SEMA6B: variants seen among roughly 807,000 people sequenced by gnomAD.
SEMA6B encodes semaphorin 6B.
A neutral mutation model predicts 78.6 loss-of-function variants in SEMA6B; 47 were observed. The observed-to-expected ratio is 0.60, with a 90% CI of 0.47 to 0.76. SEMA6B has a LOEUF of 0.76. Ranked by LOEUF, SEMA6B falls within the 30% of genes least tolerant of loss-of-function variation. The pLI is 0.00. For synonymous variants in SEMA6B, 632 were observed against 592.2 expected, an observed-to-expected ratio of 1.07 and a Z score of -0.98; for missense variants, 1,213 against 1,269.9, an observed-to-expected ratio of 0.96 and a Z score of 0.68.
At chr19:4,554,292 C>T in intron 9 of SEMA6B, 96 bp downstream of exon 9, 4 of 982,440 alleles carry the variant, frequency 4.1e-6, no homozygotes, top group Non-Finnish European at 4.8e-6. Flanking sequence ...GGGCAGGACC[C>T]TCTCACCCCA....
chr19:4,543,701 G>T lies in SEMA6B; in HGVS notation c.2567C>A (p.Pro856His). 1.6e-6 allele frequency: 2 copies of T among 1,230,142 alleles called. No homozygotes were observed. Among genetic ancestry groups the T allele is most frequent in the Non-Finnish European group, 2.0e-6 (2 of 986,882 alleles). The allele number at this position is 1,230,142 out of a possible 1,614,324, so 76.2% of individuals were successfully genotyped here. A position where few individuals can be genotyped will look rare whatever the true frequency, so the allele number is the denominator to read the frequency against. Residue 856 changes from proline (P) to histidine (H), a missense_variant, in exon 17 of 17, where the codon CCT becomes CAT. Pro to His is a moderately conservative substitution (Grantham distance 77). Coordinates refer to ENST00000586582, the MANE Select transcript of SEMA6B (RefSeq NM_032108.4). ...GTGGCAGCCGCGGTGGCGGTCCCCA[G>T]GCCGGGCCTCGCCGCTGTTGAACGT... ...THTFNSGEARPGDRHRGCHAR... is the reference protein window; with the variant it reads ...THTFNSGEARHGDRHRGCHAR...
In SEMA6B at chr19:4,558,623, A is replaced by C; in HGVS notation, c.-32-134T>G. 2 of 427,374 alleles carry C rather than the reference A, an allele frequency of 4.7e-6. No individual in the cohort carries two copies. The highest frequency in any genetic ancestry group is 3.6e-5 in the East Asian group (1 of 27,526). 26.5% of individuals were successfully genotyped at this position (427,374 alleles called of 1,614,324 possible). On this transcript the variant is annotated intron_variant, in intron 1 of 16. Transcript: ENST00000586582. This position sits in a 1 kb window ranked among gnomAD's most constrained non-coding sequence, Gnocchi z 5.1. ...GGGATAATAATTAATAAAAACAATA[A>C]TGGCAATAATAATAATAATACACAG...
chr19:4,547,693 C>T lies in SEMA6B; in HGVS notation c.1601+334G>A, dbSNP rs75572721. Reference sequence around the variant, plus strand: ...GCCAGTCCCTCCTCTGCCTGCAACCCTACATGGCTCCCATCTCCTTCAAGG... The same window carrying T: ...GCCAGTCCCTCCTCTGCCTGCAACCTTACATGGCTCCCATCTCCTTCAAGG... On this transcript the variant is annotated intron_variant, in intron 14 of 16. Coordinates refer to ENST00000586582, the MANE Select transcript of SEMA6B (RefSeq NM_032108.4). Among the ~76,000 whole-genome samples the T allele has an allele frequency of 8.9e-3, 1,362 of 152,308 alleles. 10 individuals are homozygous for T. Among genetic ancestry groups the T allele is most frequent in the African/African-American group, 0.032 (1,317 of 41,548 alleles).
Position 4,543,924 on chromosome 19 carries a change from C to G in SEMA6B, c.2344G>C (p.Ala782Pro), listed in dbSNP as rs1367391539. The G allele has an allele frequency of 1.7e-5, 20 of 1,200,934 alleles. No individual in the cohort carries two copies. Among genetic ancestry groups the G allele is most frequent in the Non-Finnish European group, 2.1e-5 (20 of 968,670 alleles). 74.4% of individuals were successfully genotyped at this position (1,200,934 alleles called of 1,614,324 possible). ...GTGAGCGGGAAGTCGCCGTGGGAGG[C>G]GCGGCCGGGCCGGGCAGCATAGAGG... is the stretch of plus-strand genomic sequence containing the variant. Reference protein sequence around the residue: ...GRLYAARPGRASHGDFPLTPH... With the variant: ...GRLYAARPGRPSHGDFPLTPH... Residue 782 changes from alanine to proline, a missense_variant, in exon 17 of 17, where the codon GCC becomes CCC. Transcript: ENST00000586582.
In SEMA6B at chr19:4,546,030, CAA is replaced by C. The variant is rs1977155122; in HGVS notation, c.1738+184_1738+185del. 9.3e-6 allele frequency: 5 copies of C among 538,772 alleles called. No individual in the cohort carries two copies. In the South Asian group the frequency reaches 1.3e-4, roughly 14 times the overall value. 33.4% of individuals were successfully genotyped at this position (538,772 alleles called of 1,614,324 possible). On this transcript the variant is annotated intron_variant, in intron 16 of 16. Transcript: ENST00000586582. Reference sequence around the variant, plus strand: ...TCGTGATCCACCCACCTTGGCCTCCCAAAGTGCTGGGATTACAGGCGTGAGCC... The same window carrying C: ...TCGTGATCCACCCACCTTGGCCTCCCAGTGCTGGGATTACAGGCGTGAGCC...
At position 4,542,779 on chromosome 19, in the gene SEMA6B, C is replaced by A; in HGVS notation, c.*822G>T. 1.4e-6 allele frequency: 1 copy of A among 700,908 alleles called. No individual in the cohort carries two copies. Among genetic ancestry groups the A allele is most frequent in the Non-Finnish European group, 2.6e-6 (1 of 384,672 alleles). The allele number at this position is 700,908 out of a possible 1,614,324, so 43.4% of individuals were successfully genotyped here. A position where few individuals can be genotyped will look rare whatever the true frequency, so the allele number is the denominator to read the frequency against. ...GGCCGTATTTACAGAGGGGCCCCACCCACCTTCGCCGCCCCCCAGGCCCCC... is the reference window on the plus strand; with the variant it reads ...GGCCGTATTTACAGAGGGGCCCCACACACCTTCGCCGCCCCCCAGGCCCCC... On this transcript the variant is annotated 3_prime_UTR_variant, in exon 17 of 17. Coordinates refer to ENST00000586582, the MANE Select transcript of SEMA6B (RefSeq NM_032108.4).
In SEMA6B at chr19:4,543,598, G is replaced by C; in HGVS notation, c.*3C>G. On this transcript the variant is annotated 3_prime_UTR_variant, in exon 17 of 17. Transcript: ENST00000586582. ...ACTGCCAAGGCATCGGGGGGCCCCC[G>C]GCCTAGGGCACGGGGGGCGCAGTCC... 1.6e-6 allele frequency: 2 copies of C among 1,229,584 alleles called. No individual in the cohort carries two copies. Among genetic ancestry groups the C allele is most frequent in the Middle Eastern group, 3.1e-4 (1 of 3,252 alleles). The allele number at this position is 1,229,584 out of a possible 1,614,324, so 76.2% of individuals were successfully genotyped here.
At chr19:4,557,279 C>T in intron 3 of SEMA6B, 56 bp from the exon 4 acceptor site, 10 of 1,338,972 alleles carry the variant, frequency 7.5e-6, no homozygotes, top group Admixed American at 2.1e-5. Context: ...TCTCCCGTTC[C>T]ATCCTTCCCA....
At position 4,557,307 on chromosome 19, in the gene SEMA6B, A is replaced by T. The variant is rs980532698; in HGVS notation, c.246-84T>A. ...CCTTCCCACTGCCAATGTGGTGTGC[A>T]CACGGGGGCATGCAGGGCCATGCCA... On this transcript the variant is annotated intron_variant, in intron 3 of 16. Coordinates refer to ENST00000586582, the MANE Select transcript of SEMA6B (RefSeq NM_032108.4). The T allele has an allele frequency of 3.2e-6, 3 of 929,436 alleles. No homozygotes were observed. In the African/African-American group the frequency reaches 5.0e-5, roughly 15 times the overall value. 57.6% of individuals were successfully genotyped at this position (929,436 alleles called of 1,614,324 possible).
At position 4,556,945 on chromosome 19, in the gene SEMA6B, A is replaced by T; in HGVS notation, c.369+6T>A. ...AGGGGCCGGGACCGAGCCAGGGCCA[A>T]CTCACCTCCTGTTTGCCCTTCATCC... On this transcript the variant is annotated splice_donor_region_variant and intron_variant, in intron 5 of 16. Coordinates refer to ENST00000586582, the MANE Select transcript of SEMA6B (RefSeq NM_032108.4). The T allele has an allele frequency of 6.2e-7, 1 of 1,612,332 alleles. No individual in the cohort carries two copies. Among genetic ancestry groups the T allele is most frequent in the Non-Finnish European group, 8.5e-7 (1 of 1,179,208 alleles).
rs1977122269 is a variant in SEMA6B, at chr19:4,544,713, G to C, written c.1739-184C>G. 6.6e-6 allele frequency among the ~76,000 whole-genome samples: 1 copy of C among 151,804 alleles called. No homozygotes were observed. Among genetic ancestry groups the C allele is most frequent in the Admixed American group, 6.6e-5 (1 of 15,218 alleles). ...TGCAGTGGGGCGATCTCGATTCACT[G>C]CAACCTCCGCCTCCCATGTTCAAGT... is the stretch of plus-strand genomic sequence containing the variant. On this transcript the variant is annotated intron_variant, in intron 16 of 16. Transcript: ENST00000586582. The surrounding 1 kb of genome is among the most constrained non-coding windows in gnomAD (Gnocchi z 5.1).
In SEMA6B at chr19:4,542,892, C is replaced by T. The variant is rs973977385; in HGVS notation, c.*709G>A. On this transcript the variant is annotated 3_prime_UTR_variant, in exon 17 of 17. Coordinates refer to ENST00000586582, the MANE Select transcript of SEMA6B (RefSeq NM_032108.4). ...TGAAACCCCGGCATTGTCCCCGCTT[C>T]CCTCTGCAGAGTGGGGGGGGTTCAA... 9.1e-5 allele frequency: 64 copies of T among 700,642 alleles called. No homozygotes were observed. The Admixed American group carries it at 1.2e-3, about 14-fold the overall frequency. 43.4% of individuals were successfully genotyped at this position (700,642 alleles called of 1,614,324 possible). A position where few individuals can be genotyped will look rare whatever the true frequency, so the allele number is the denominator to read the frequency against.
In SEMA6B at chr19:4,548,104, C is replaced by A. The variant is rs1360015023; in HGVS notation, c.1524G>T (p.Gly508=). ...LLSLELDAAS[G]GLLAAFPRCV... ...AGCGGGGGAAGGCAGCCAGCAGGCCCCCCGAAGCTGCGTCCAGCTCCAAGC... is the reference window on the plus strand; with the variant it reads ...AGCGGGGGAAGGCAGCCAGCAGGCCACCCGAAGCTGCGTCCAGCTCCAAGC... The change falls in exon 14 of 17, where the codon GGG becomes GGT. Residue 508 remains glycine, a synonymous_variant. Transcript: ENST00000586582. The A allele has an allele frequency of 6.3e-7, 1 of 1,591,358 alleles. No homozygotes were observed. The highest frequency in any genetic ancestry group is 1.1e-5 in the South Asian group (1 of 89,832).
chr19:4,557,708 C>G (rs1216958419), intron 3 of SEMA6B, among the ~76,000 whole-genome samples: 1 of 152,216 alleles, frequency 6.6e-6, no homozygotes, highest in Non-Finnish European at 1.5e-5. Flanking sequence ...ACAGCTTCCA[C>G]CTGGTCCAGC....
Position 4,543,807 on chromosome 19 carries a change from A to G in SEMA6B, c.2461T>C (p.Trp821Arg). The change falls in exon 17 of 17, where the codon TGG (tryptophan) becomes CGG (arginine). Residue 821 changes from tryptophan to arginine, a missense_variant. Transcript: ENST00000586582. ...AGGCTGCCCGTCGGGGGCGGGCTCC[A>G]GGGCCGCGGGAGGCCATCGGCGGCT... ...ASAADGLPRPWSPPPTGSLRR... is the reference protein window; with the variant it reads ...ASAADGLPRPRSPPPTGSLRR... The G allele has an allele frequency of 8.2e-7, 1 of 1,217,054 alleles. No individual in the cohort carries two copies. The highest frequency in any genetic ancestry group is 1.0e-6 in the Non-Finnish European group (1 of 979,114). The allele number at this position is 1,217,054 out of a possible 1,614,324, so 75.4% of individuals were successfully genotyped here. A position where few individuals can be genotyped will look rare whatever the true frequency, so the allele number is the denominator to read the frequency against.
chr19:4,544,471 C>T lies in SEMA6B; in HGVS notation c.1797G>A (p.Leu599=), dbSNP rs760752799. 3.1e-6 allele frequency: 5 copies of T among 1,597,854 alleles called. No homozygotes were observed. The highest frequency in any genetic ancestry group is 3.4e-6 in the Non-Finnish European group (4 of 1,173,140). Reference sequence around the variant, plus strand: ...CGAAGGCCGCCACCGACGACGTTACCAGCAGGTTCACCGACACCAGCCCCG... The same window carrying T: ...CGAAGGCCGCCACCGACGACGTTACTAGCAGGTTCACCGACACCAGCCCCG... ...DRAGLVSVNL[L]VTSSVAAFVV... Residue 599 remains leucine, a synonymous_variant, in exon 17 of 17, where the codon CTG becomes CTA. Coordinates refer to ENST00000586582, the MANE Select transcript of SEMA6B (RefSeq NM_032108.4). This position sits in a 1 kb window ranked among gnomAD's most constrained non-coding sequence, Gnocchi z 5.1.
intron 8 of SEMA6B, 54 bp downstream of exon 8, chr19:4,554,922 A>C: frequency 6.3e-7 from 1 of 1,584,620 alleles, no homozygotes; most frequent in Non-Finnish European, 8.6e-7. Flanking sequence ...GATTTGATGA[A>C]TGTCAGGTTC....
At position 4,550,384 on chromosome 19, in the gene SEMA6B, T is replaced by TTGTA; in HGVS notation, c.1122-113_1122-112insTACA. The TTGTA allele has an allele frequency of 8.1e-7, 1 of 1,240,696 alleles. No homozygotes were observed. Among genetic ancestry groups the TTGTA allele is most frequent in the Non-Finnish European group, 1.1e-6 (1 of 884,290 alleles). 76.9% of individuals were successfully genotyped at this position (1,240,696 alleles called of 1,614,324 possible). ...AACGACCCTCAGGTTTTTTGTTTGT[T>TTGTA]TTGTTTTTGAGACAGAGTCTCAATC... On this transcript the variant is annotated intron_variant, in intron 11 of 16. Coordinates refer to ENST00000586582, the MANE Select transcript of SEMA6B (RefSeq NM_032108.4). This position sits in a 1 kb window ranked among gnomAD's most constrained non-coding sequence, Gnocchi z 6.6.
chr19:4,554,349 A>G (rs1239220708), intron 9 of SEMA6B, 39 bp downstream of exon 9: 1 of 1,502,740 alleles, frequency 6.7e-7, no homozygotes, highest in South Asian at 1.1e-5. Flanking sequence ...TCGCATGATC[A>G]GAGCCTCTCA....
Sources: allele counts gnomAD v4.1 joint callset (sites outside exome capture counted in the v4.1 genomes callset), GRCh38; gene constraint gnomAD v4.1.1; non-coding constraint Gnocchi (gnomAD v3.1); transcripts MANE v1.5; gene names NCBI Gene and HGNC (gene_info 2026-07-23, HGNC 2026-07-21).